NEDD9: variants seen among roughly 807,000 people sequenced by gnomAD.
NEDD9 encodes the protein neural precursor cell expressed, developmentally down-regulated 9, also known as enhancer of filamentation 1.
NEDD9 carries 26 observed loss-of-function variants against 76.6 expected under a neutral mutation model. The ratio of observed to expected loss-of-function variants is 0.34; its 90% CI spans 0.25 to 0.47. The LOEUF is 0.47. Among genes scored for constraint, NEDD9 ranks in the 20% least tolerant of loss-of-function variants. NEDD9 has a pLI of 1.00. For synonymous variants in NEDD9, 392 were observed against 414.2 expected (o/e 0.95, Z 0.65); for missense variants, 937 against 1,058.5 (o/e 0.89, Z 1.59).
At chr6:11,275,510 T>G (rs1760395791) in intron 3 of NEDD9, among the ~76,000 whole-genome samples, 2 of 152,112 alleles carry the variant, frequency 1.3e-5, no homozygotes, top group Admixed American at 6.6e-5. Flanking sequence ...TCATAAAATA[T>G]ACGCATTTCT....
rs534872452 is a variant in NEDD9, at chr6:11,185,314, C to T, written c.2353G>A (p.Glu785Lys). 2.5e-6 allele frequency: 4 copies of T among 1,614,150 alleles called. No homozygotes were observed. Among genetic ancestry groups the T allele is most frequent in the East Asian group, 2.2e-5 (1 of 44,874 alleles). ...GCCATGACTATGGTCTTGAGCTGCT[C>T]GCAGAGCTGGTTGCTGGAGTTCATG... The part of the protein sequence containing the change: ...KVMNSSNQLC[E>K]QLKTIVMATK... The change falls in exon 7 of 7, where the codon GAG becomes AAG. Residue 785 changes from glutamate (E) to lysine (K), a missense_variant. Transcript: ENST00000379446.
In NEDD9 at chr6:11,252,136, G is replaced by A. The variant is rs1220080129; in HGVS notation, c.13-38409C>T. 4.6e-5 allele frequency among the ~76,000 whole-genome samples: 7 copies of A among 152,308 alleles called. No homozygotes were observed. The South Asian group carries it at 1.0e-3, about 23-fold the overall frequency. ...TGTTAATATCTTCTAGCTGGGCGCT[G>A]TAGTGCTCTCTCAGCCAGATCTTCA... On this transcript the variant is annotated intron_variant, in intron 3 of 3. Transcript: ENST00000397378. The surrounding 1 kb of genome is among the most constrained non-coding windows in gnomAD (Gnocchi z 4.3).
Position 11,185,135 on chromosome 6 carries a change from G to A in NEDD9, c.*27C>T, listed in dbSNP as rs781587457. On this transcript the variant is annotated 3_prime_UTR_variant, in exon 7 of 7. Coordinates refer to ENST00000379446, the MANE Select transcript of NEDD9 (RefSeq NM_006403.4). Reference sequence around the variant, plus strand: ...CCAGTTTTCCTTAGTAACCGTTAACGCAGTCCCCTTCCTCTTTTTTTTCTT... The same window carrying A: ...CCAGTTTTCCTTAGTAACCGTTAACACAGTCCCCTTCCTCTTTTTTTTCTT... 6.3e-7 allele frequency: 1 copy of A among 1,593,966 alleles called. No homozygotes were observed. Among genetic ancestry groups the A allele is most frequent in the Admixed American group, 1.7e-5 (1 of 58,580 alleles).
At position 11,190,982 on chromosome 6, in the gene NEDD9, C is replaced by T. The variant is rs1758128232; in HGVS notation, c.887G>A (p.Ser296Asn). ...CGGGGGTGGGTGATTCGGGGACAGG[C>T]TCTGGTGCCTTCGAGCCACCGGTTC... The part of the protein sequence containing the change: ...AAEPVARRHQ[S>N]LSPNHPPPQL... The change falls in exon 5 of 7, where the codon AGC (serine) becomes AAC (asparagine). Residue 296 changes from serine (S) to asparagine (N), a missense_variant. Physicochemically the swap from Ser to Asn is conservative, Grantham distance 46. Transcript: ENST00000379446. The surrounding 1 kb of genome is among the most constrained non-coding windows in gnomAD (Gnocchi z 5.8). 3.1e-6 allele frequency: 5 copies of T among 1,613,992 alleles called. No individual in the cohort carries two copies. In the East Asian group the frequency reaches 1.1e-4, roughly 36 times the overall value.
chr6:11,355,864 GCA>G (rs1270052493), intron 1 of NEDD9, among the ~76,000 whole-genome samples: 72 of 151,950 alleles, frequency 4.7e-4, no homozygotes, highest in Non-Finnish European at 8.7e-4. Context: ...GGGACTACAG[GCA>G]CCCGCCACCA....
rs146429311 is a variant in NEDD9 at position 11,190,245 on chromosome 6, C to T, written c.1624G>A (p.Ala542Thr). The T allele has an allele frequency of 5.0e-4, 813 of 1,614,192 alleles. 6 individuals carry two copies. The Admixed American group carries it at 0.012, about 24-fold the overall frequency. The change falls in exon 5 of 7, where the codon GCC becomes ACC. Residue 542 changes from alanine (A) to threonine (T), a missense_variant. Transcript: ENST00000379446. This position sits in a 1 kb window ranked among gnomAD's most constrained non-coding sequence, Gnocchi z 5.8. Reference sequence around the variant, plus strand: ...TTGATGGTTGTGGTGAGCTGCTTGGCGTCATCGGGCACCGTCTTTGCCACC... The same window carrying T: ...TTGATGGTTGTGGTGAGCTGCTTGGTGTCATCGGGCACCGTCTTTGCCACC... Reference protein sequence around the residue: ...VMVAKTVPDDAKQLTTTINTN... With the variant: ...VMVAKTVPDDTKQLTTTINTN...
chr6:11,372,522 A>G (rs1469184877), intron 1 of NEDD9, among the ~76,000 whole-genome samples: 1 of 152,134 alleles, frequency 6.6e-6, no homozygotes, highest in Non-Finnish European at 1.5e-5. Flanking sequence ...TGTGAGTGGG[A>G]TTGCTGGATC....
intron 2 of NEDD9, among the ~76,000 whole-genome samples, chr6:11,311,034 C>T (rs1357993701): frequency 6.6e-6 from 1 of 152,178 alleles, no homozygotes; most frequent in Non-Finnish European, 1.5e-5. Flanking sequence ...GGACTTTTCT[C>T]CATATATGAC....
intron 2 of NEDD9, among the ~76,000 whole-genome samples, chr6:11,333,429 T>C (rs1032606766): frequency 3.9e-5 from 6 of 152,252 alleles, no homozygotes; most frequent in Non-Finnish European, 8.8e-5. Context: ...TGGAAATGAA[T>C]ACGCTTTATT....
At chr6:11,305,885 C>A (rs78390254) in intron 3 of NEDD9, 1 of 1,336,056 alleles carries the variant, frequency 7.5e-7, no homozygotes. Context: ...GTTGCAGGCC[C>A]GTATGACAAA....
At position 11,373,662 on chromosome 6, in the gene NEDD9, TA is replaced by T. The variant is rs1762920492; in HGVS notation, c.-214+8476del. Among the ~76,000 whole-genome samples the T allele has an allele frequency of 2.6e-5, 4 of 152,380 alleles. No individual in the cohort carries two copies. In the South Asian group the frequency reaches 8.3e-4, roughly 32 times the overall value. On this transcript the variant is annotated intron_variant, in intron 1 of 3. Coordinates refer to the NEDD9 transcript ENST00000397378. ...ATGTTCAATAAATATTAATATCTAC[TA>T]AATTATTTTCTGAAATGGATACAGT...
intron 1 of NEDD9, among the ~76,000 whole-genome samples, chr6:11,348,611 A>G (rs1441699999): frequency 6.6e-6 from 1 of 152,194 alleles, no homozygotes; most frequent in African/African-American, 2.4e-5. Context: ...GAGAGCTCAG[A>G]AATAAAGCTG....
chr6:11,217,515 A>C (rs1758989397), intron 1 of NEDD9, among the ~76,000 whole-genome samples: 3 of 152,236 alleles, frequency 2.0e-5, no homozygotes, highest in Non-Finnish European at 4.4e-5. Flanking sequence ...TAGTCTCCAA[A>C]GGCTGGCAGT....
chr6:11,233,143 C>A, upstream of NEDD9: 1 of 312,932 alleles, frequency 3.2e-6, no homozygotes, highest in Non-Finnish European at 6.5e-6. Flanking sequence ...CTGCTGATAC[C>A]TCTCTCTCTC....
intron 3 of NEDD9, among the ~76,000 whole-genome samples, chr6:11,244,778 C>CAAGAGAGAATGAGTCCATGTGCAA (rs1271923054): frequency 6.6e-6 from 1 of 152,106 alleles, no homozygotes; most frequent in Non-Finnish European, 1.5e-5. Context: ...GAGTCAATAG[C>CAAGAGAGAATGAGTCCATGTGCAA]AAGAGAGAAT....
At chr6:11,317,941 A>G (rs186137894) in intron 2 of NEDD9, among the ~76,000 whole-genome samples, 9 of 152,328 alleles carry the variant, frequency 5.9e-5, no homozygotes, top group Admixed American at 5.2e-4. Context: ...GCCTTGTTCA[A>G]TCAGTTGAAG....
rs551085426 is a variant in NEDD9 at position 11,223,501 on chromosome 6, C to G, written c.12+9003G>C. Reference sequence around the variant, plus strand: ...ACTTCCTCTAGGAAAAAAAAACCAACAAAACAAAAAACCCAGAAATGATCT... The same window carrying G: ...ACTTCCTCTAGGAAAAAAAAACCAAGAAAACAAAAAACCCAGAAATGATCT... On this transcript the variant is annotated intron_variant, in intron 1 of 6. Coordinates refer to ENST00000379446, the MANE Select transcript of NEDD9 (RefSeq NM_006403.4). Among the ~76,000 whole-genome samples, 25 of 149,226 alleles carry G rather than the reference C, an allele frequency of 1.7e-4. No homozygotes were observed. In the East Asian group the frequency reaches 4.7e-3, roughly 28 times the overall value.
intron 2 of NEDD9, among the ~76,000 whole-genome samples, chr6:11,308,999 G>A (rs1174832782): frequency 1.3e-5 from 2 of 152,204 alleles, no homozygotes; most frequent in Non-Finnish European, 2.9e-5. Flanking sequence ...ATTACTGAAT[G>A]TGCCAGTTGT....
intron 1 of NEDD9, among the ~76,000 whole-genome samples, chr6:11,343,490 C>T (rs142694255): frequency 6.6e-6 from 1 of 151,954 alleles, no homozygotes; most frequent in Non-Finnish European, 1.5e-5. Flanking sequence ...TAAAACTGCA[C>T]CCCACTACTC....
Sources: allele counts gnomAD v4.1 joint callset (sites outside exome capture counted in the v4.1 genomes callset), GRCh38; gene constraint gnomAD v4.1.1; non-coding constraint Gnocchi (gnomAD v3.1); transcripts MANE v1.5; gene names NCBI Gene and HGNC (gene_info 2026-07-23, HGNC 2026-07-21).